CDH17: variants seen among roughly 807,000 people sequenced by gnomAD.
CDH17 encodes cadherin-17.
A neutral mutation model predicts 86.3 loss-of-function variants in CDH17; 67 were observed. The ratio of observed to expected loss-of-function variants is 0.78; its 90% CI spans 0.64 to 0.95. The LOEUF (loss-of-function observed/expected upper bound fraction) is 0.95, where lower values mean the gene tolerates loss of function less well. Among genes scored for constraint, CDH17 ranks in the 40% least tolerant of loss-of-function variants. The pLI, the probability that CDH17 is intolerant of heterozygous loss-of-function variation, is 0.00. For missense variants in CDH17, 993 were observed against 1,017.6 expected (o/e 0.98, Z 0.33); for synonymous variants, 367 against 366.4 (o/e 1.00, Z -0.02).
intron 10 of CDH17, among the ~76,000 whole-genome samples, chr8:94,162,532 C>A (rs1227267722): frequency 6.6e-6 from 1 of 152,208 alleles, no homozygotes; most frequent in Non-Finnish European, 1.5e-5. Context: ...GCAAAACTGT[C>A]CTTCCAGAAA....
chr8:94,142,303 T>C (rs1812653981), intron 15 of CDH17, among the ~76,000 whole-genome samples: 4 of 152,204 alleles, frequency 2.6e-5, no homozygotes, highest in African/African-American at 9.7e-5. Context: ...TACTATACTC[T>C]AGACTGTTAA....
At chr8:94,128,939 T>C (rs1812355370) in intron 17 of CDH17, among the ~76,000 whole-genome samples, 1 of 152,166 alleles carries the variant, frequency 6.6e-6, no homozygotes. Flanking sequence ...ACTGTGCAGC[T>C]CAGCACTGAT....
At chr8:94,165,660 T>C in intron 10 of CDH17, 101 bp downstream of exon 10, 1 of 807,256 alleles carries the variant, frequency 1.2e-6, no homozygotes. Flanking sequence ...AATGTTTAAA[T>C]GGCATCATTC....
At chr8:94,188,901 T>C (rs2130662129) in intron 3 of CDH17, among the ~76,000 whole-genome samples, 1 of 152,130 alleles carries the variant, frequency 6.6e-6, no homozygotes, top group East Asian at 1.9e-4. Flanking sequence ...ACAGGTTCCC[T>C]TTCTACTCTA....
chr8:94,181,382 C>T (rs558504486), intron 3 of CDH17, among the ~76,000 whole-genome samples: 57 of 152,204 alleles, frequency 3.7e-4, no homozygotes, highest in African/African-American at 1.3e-3. Flanking sequence ...ATGGAACATT[C>T]TCCAGGAGAG....
intron 15 of CDH17, among the ~76,000 whole-genome samples, chr8:94,145,649 GCTT>G (rs1239953547): frequency 1.3e-5 from 2 of 152,000 alleles, no homozygotes; most frequent in Non-Finnish European, 2.9e-5. Flanking sequence ...TATAAAATCT[GCTT>G]TCCATCTGTC....
Position 94,163,427 on chromosome 8 carries a change from G to A in CDH17, c.1283-1265C>T, listed in dbSNP as rs539945476. On this transcript the variant is annotated intron_variant, in intron 10 of 17. Coordinates refer to ENST00000027335, the MANE Select transcript of CDH17 (RefSeq NM_004063.4). ...CACTGAGAGGCGTGGCAAGAGACTG[G>A]AGGGAGGACAGGAAGAGTGTAGCTG... Among the ~76,000 whole-genome samples, 6 of 152,362 alleles carry A rather than the reference G, an allele frequency of 3.9e-5. No individual in the cohort carries two copies. In the East Asian group the frequency reaches 1.2e-3, roughly 29 times the overall value.
At chr8:94,132,968 CAT>C (rs1360605276) in intron 15 of CDH17, among the ~76,000 whole-genome samples, 2 of 152,032 alleles carry the variant, frequency 1.3e-5, no homozygotes, top group Non-Finnish European at 2.9e-5. Flanking sequence ...TCAAAGATCA[CAT>C]GATTGTACAT....
At chr8:94,178,687 G>A (rs1438776638) in intron 3 of CDH17, among the ~76,000 whole-genome samples, 1 of 152,088 alleles carries the variant, frequency 6.6e-6, no homozygotes, top group Non-Finnish European at 1.5e-5. Context: ...TAAAGTAACA[G>A]AAGTAAATTT....
At chr8:94,178,251 C>G (rs1813411677) in intron 3 of CDH17, among the ~76,000 whole-genome samples, 1 of 152,078 alleles carries the variant, frequency 6.6e-6, no homozygotes, top group Non-Finnish European at 1.5e-5. Context: ...ACTTTTAAGA[C>G]CACAGCAACA....
At chr8:94,180,423 AC>A (rs1376555530) in intron 3 of CDH17, among the ~76,000 whole-genome samples, 3 of 152,176 alleles carry the variant, frequency 2.0e-5, no homozygotes, top group Non-Finnish European at 4.4e-5. Context: ...TATATATCCA[AC>A]AATCACTATG....
At chr8:94,131,840 C>T (rs973682187) in intron 15 of CDH17, among the ~76,000 whole-genome samples, 1 of 152,152 alleles carries the variant, frequency 6.6e-6, no homozygotes. Flanking sequence ...CCCCCACCCC[C>T]TGACAGGCTC....
chr8:94,198,748 C>T (rs1408139096), intron 1 of CDH17, among the ~76,000 whole-genome samples: 1 of 152,154 alleles, frequency 6.6e-6, no homozygotes, highest in African/African-American at 2.4e-5. Flanking sequence ...CTGCCTGGCA[C>T]AAGGCCTGGC....
Position 94,165,936 on chromosome 8 carries a change from T to C in CDH17, c.1107A>G (p.Glu369=). The C allele has an allele frequency of 6.2e-7, 1 of 1,613,904 alleles. No individual in the cohort carries two copies. Among genetic ancestry groups the C allele is most frequent in the Non-Finnish European group, 8.5e-7 (1 of 1,179,870 alleles). ...IGTLTAHDRD[E]ENTANSFLNY... ...TTAGAAAACTGTTGGCAGTATTTTC[T>C]TCATCCCTGTCATGTGCAGTAAGGG... The change falls in exon 10 of 18, where the codon GAA becomes GAG. Residue 369 remains glutamate (E), a synonymous_variant. Coordinates refer to ENST00000027335, the MANE Select transcript of CDH17 (RefSeq NM_004063.4).
intron 1 of CDH17, among the ~76,000 whole-genome samples, chr8:94,216,800 TTCTCA>T (rs1814201769): frequency 6.6e-6 from 1 of 152,188 alleles, no homozygotes; most frequent in African/African-American, 2.4e-5. Flanking sequence ...AGAGAGGTTT[TTCTCA>T]GTACAAATAA....
intron 9 of CDH17, among the ~76,000 whole-genome samples, chr8:94,168,205 GCA>G (rs746291648): frequency 3.8e-4 from 52 of 138,518 alleles, no homozygotes; most frequent in Admixed American, 7.4e-4. Flanking sequence ...CTGGGCTGGA[GCA>G]CAGTGTCATG....
At chr8:94,183,918 T>C (rs1371398299) in intron 3 of CDH17, among the ~76,000 whole-genome samples, 1 of 151,790 alleles carries the variant, frequency 6.6e-6, no homozygotes, top group Non-Finnish European at 1.5e-5. Context: ...TAGACATCTC[T>C]CCCAAGAAGA....
At chr8:94,182,324 A>G (rs1219777276) in intron 3 of CDH17, among the ~76,000 whole-genome samples, 2 of 152,152 alleles carry the variant, frequency 1.3e-5, no homozygotes, top group African/African-American at 4.8e-5. Context: ...TCAATGCAAG[A>G]AAACTTCAGA....
chr8:94,163,521 A>G (rs948379312), intron 10 of CDH17, among the ~76,000 whole-genome samples: 1 of 152,236 alleles, frequency 6.6e-6, no homozygotes, highest in African/African-American at 2.4e-5. Context: ...CCTTTGGGGG[A>G]TGCTCCCCTC....
Sources: gnomAD v4.1 joint callset for allele counts (sites outside exome capture counted in the v4.1 genomes callset) on GRCh38, gnomAD v4.1.1 for gene constraint, MANE v1.5 for transcripts, NCBI Gene and HGNC (gene_info 2026-07-23, HGNC 2026-07-21) for gene names.